Variants in FOXP2 observed in about 807,000 individuals in gnomAD.
FOXP2 encodes the protein forkhead box protein P2.
Under a neutral mutation model 115.8 loss-of-function variants are expected in FOXP2, and 12 were observed. The observed-to-expected ratio is 0.10, with a 90% CI of 0.07 to 0.17. FOXP2 has a LOEUF of 0.17. Ranked by LOEUF, FOXP2 falls within the 10% of genes least tolerant of loss-of-function variation. The pLI is 1.00. For synonymous variants in FOXP2, 328 were observed against 297.7 expected (o/e 1.10, Z -1.05); for missense variants, 629 against 843.5 (o/e 0.75, Z 3.15).
chr7:114,214,305 C>T (rs1396903408), intron 1 of FOXP2, among the ~76,000 whole-genome samples: 4 of 152,158 alleles, frequency 2.6e-5, no homozygotes, highest in Admixed American at 6.5e-5. Context: ...TCCTACTATA[C>T]AGCACACAAG....
chr7:114,293,962 A>G (rs1796673973), intron 2 of FOXP2, among the ~76,000 whole-genome samples: 1 of 152,224 alleles, frequency 6.6e-6, no homozygotes, highest in African/African-American at 2.4e-5. Context: ...AATACATTAT[A>G]TAATATTTCA....
At chr7:114,646,059 C>G (rs1422276639) in intron 8 of FOXP2, among the ~76,000 whole-genome samples, 1 of 6,886 alleles carries the variant, frequency 1.5e-4, no homozygotes, top group African/African-American at 2.0e-4. Flanking sequence ...GTTTTCTTCT[C>G]TAAAAAAAAA....
rs767426318 is a variant in FOXP2 at position 114,644,700 on chromosome 7, G to A, written c.1005G>A (p.Glu335=). ...SARRDSSSHE[E]TGASHTLYGH... ...TTTGCTACAGCTCGTCACATGAGGA[G>A]ACTGGGGCCTCTCACACTCTCTATG... The change falls in exon 8 of 17, where the codon GAG becomes GAA. Residue 335 remains glutamate (E), a synonymous_variant. Transcript: ENST00000350908. The A allele has an allele frequency of 6.8e-6, 11 of 1,613,770 alleles. No homozygotes were observed. The highest frequency in any genetic ancestry group is 4.0e-5 in the African/African-American group (3 of 74,882).
chr7:114,626,905 C>T (rs1348112910), intron 3 of FOXP2, among the ~76,000 whole-genome samples: 1 of 151,636 alleles, frequency 6.6e-6, no homozygotes, highest in Non-Finnish European at 1.5e-5. Flanking sequence ...ATAATAAATT[C>T]AAATTCAGTA....
At chr7:114,097,346 C>T (rs965396479) in intron 1 of FOXP2, among the ~76,000 whole-genome samples, 2 of 152,082 alleles carry the variant, frequency 1.3e-5, no homozygotes, top group South Asian at 2.1e-4. Flanking sequence ...TCTATAGTTT[C>T]GTCTTTTCAA....
At chr7:114,181,344 C>T (rs1793449887) in intron 1 of FOXP2, among the ~76,000 whole-genome samples, 1 of 151,378 alleles carries the variant, frequency 6.6e-6, no homozygotes, top group East Asian at 1.9e-4. Context: ...CTAACCTAAC[C>T]TTCTATAACC....
At chr7:114,296,492 G>GT (rs36025607) in intron 2 of FOXP2, among the ~76,000 whole-genome samples, 102 of 149,528 alleles carry the variant, frequency 6.8e-4, no homozygotes, top group Non-Finnish European at 1.0e-3. Context: ...ATCCTGTGGA[G>GT]TTTTTTTTTT....
At chr7:114,675,386 G>A (rs1807699314) in intron 16 of FOXP2, among the ~76,000 whole-genome samples, 1 of 152,030 alleles carries the variant, frequency 6.6e-6, no homozygotes, top group Admixed American at 6.5e-5. Context: ...AGTCAATACA[G>A]GTTAGCTACT....
upstream of FOXP2, among the ~76,000 whole-genome samples, chr7:114,410,940 CA>C (rs1380552282): frequency 6.6e-6 from 1 of 151,716 alleles, no homozygotes; most frequent in African/African-American, 2.4e-5. Flanking sequence ...TTCATTTAGG[CA>C]ACAAATATTT....
intron 1 of FOXP2, among the ~76,000 whole-genome samples, chr7:114,237,452 C>A (rs1795039530): frequency 6.6e-6 from 1 of 152,118 alleles, no homozygotes; most frequent in Admixed American, 6.6e-5. Flanking sequence ...AATTGCCATG[C>A]AAGTAATTGC....
chr7:114,592,062 A>G (rs1802466317), intron 3 of FOXP2, among the ~76,000 whole-genome samples: 1 of 152,102 alleles, frequency 6.6e-6, no homozygotes, highest in African/African-American at 2.4e-5. Flanking sequence ...CTATTTCTTA[A>G]ATACAGATAT....
At chr7:114,130,203 GC>G (rs1404398519) in intron 1 of FOXP2, among the ~76,000 whole-genome samples, 1 of 152,106 alleles carries the variant, frequency 6.6e-6, no homozygotes, top group Non-Finnish European at 1.5e-5. Flanking sequence ...TGTACCTGTA[GC>G]CCCAGCTACG....
intron 1 of FOXP2, among the ~76,000 whole-genome samples, chr7:114,155,028 G>A (rs1032758320): frequency 1.3e-5 from 2 of 152,104 alleles, no homozygotes; most frequent in Non-Finnish European, 2.9e-5. Context: ...AATAACTCAT[G>A]TAAGTATTCC....
At chr7:114,247,671 T>C (rs921359815) in intron 1 of FOXP2, among the ~76,000 whole-genome samples, 1 of 152,240 alleles carries the variant, frequency 6.6e-6, no homozygotes, top group African/African-American at 2.4e-5. Flanking sequence ...AAATGAATTT[T>C]ATTTGTTTTG....
At chr7:114,167,603 G>A (rs1030370419) in intron 1 of FOXP2, among the ~76,000 whole-genome samples, 20 of 152,012 alleles carry the variant, frequency 1.3e-4, no homozygotes, top group Admixed American at 9.2e-4. Flanking sequence ...TGCTGTTCTC[G>A]TGATGGTGGA....
chr7:114,335,603 A>C (rs941088718), intron 2 of FOXP2, among the ~76,000 whole-genome samples: 26 of 151,916 alleles, frequency 1.7e-4, no homozygotes, highest in Non-Finnish European at 3.4e-4. Context: ...TTTCCGAAGA[A>C]TGCAAAGAAA....
chr7:114,255,749 C>T (rs973706018), intron 1 of FOXP2, among the ~76,000 whole-genome samples: 1 of 152,100 alleles, frequency 6.6e-6, no homozygotes, highest in Admixed American at 6.5e-5. Context: ...CTGGGTGAGG[C>T]AATGCCTCAC....
intron 2 of FOXP2, among the ~76,000 whole-genome samples, chr7:114,438,145 G>A (rs1449591521): frequency 6.6e-6 from 1 of 151,946 alleles, no homozygotes; most frequent in Admixed American, 6.6e-5. Context: ...ATTTCTGCTG[G>A]AAATGATTAG....
At chr7:114,352,338 A>G (rs1792626016) in intron 2 of FOXP2, among the ~76,000 whole-genome samples, 1 of 152,250 alleles carries the variant, frequency 6.6e-6, no homozygotes, top group Middle Eastern at 3.4e-3. Context: ...TATGTGCTGT[A>G]CTTTGGGCCT....
Sources: gnomAD v4.1 joint callset for allele counts (sites outside exome capture counted in the v4.1 genomes callset) on GRCh38, gnomAD v4.1.1 for gene constraint, MANE v1.5 for transcripts, NCBI Gene and HGNC (gene_info 2026-07-23, HGNC 2026-07-21) for gene names.